PDE1C: variants seen among roughly 807,000 people sequenced by gnomAD.
PDE1C encodes phosphodiesterase 1C.
Under a neutral mutation model 93.1 loss-of-function variants are expected in PDE1C, and 62 were observed. That is an observed-to-expected ratio of 0.67 (90% CI 0.54 to 0.82). The LOEUF is 0.82. Ranked by LOEUF, PDE1C falls within the 40% of genes least tolerant of loss-of-function variation. The pLI is 0.00. For missense variants in PDE1C, 742 were observed against 884.6 expected (o/e 0.84, Z 2.04); for synonymous variants, 325 against 310.1 (o/e 1.05, Z -0.50).
intron 2 of PDE1C, among the ~76,000 whole-genome samples, chr7:32,199,318 C>T (rs1423031888): frequency 6.6e-6 from 1 of 152,036 alleles, no homozygotes; most frequent in East Asian, 1.9e-4. Context: ...TCTGAGGATT[C>T]ATATCACTAG....
At chr7:32,286,856 G>A (rs768414158) in intron 1 of PDE1C, among the ~76,000 whole-genome samples, 19 of 152,118 alleles carry the variant, frequency 1.2e-4, no homozygotes, top group Non-Finnish European at 2.2e-4. Flanking sequence ...AATATGGATC[G>A]TTTTTATAGG....
At chr7:31,964,391 C>A (rs1392015631) in intron 2 of PDE1C, among the ~76,000 whole-genome samples, 1 of 152,228 alleles carries the variant, frequency 6.6e-6, no homozygotes, top group Non-Finnish European at 1.5e-5. Context: ...AACTGCAAGG[C>A]AGCAGTGAGG....
intron 9 of PDE1C, among the ~76,000 whole-genome samples, chr7:31,846,369 A>G (rs191595508): frequency 7.6e-4 from 115 of 152,086 alleles, no homozygotes; most frequent in African/African-American, 2.6e-3. Flanking sequence ...GACAAAAACA[A>G]GCTATGGGGA....
chr7:31,730,417 G>A, the PDE1C span, among the ~76,000 whole-genome samples: 1 of 152,124 alleles, frequency 6.6e-6, no homozygotes, highest in Non-Finnish European at 1.5e-5. Context: ...GCTCTGCAGT[G>A]TCATCCCAGC....
chr7:32,345,055 C>G (rs936262245), intron 1 of PDE1C, among the ~76,000 whole-genome samples: 1 of 152,146 alleles, frequency 6.6e-6, no homozygotes, highest in Non-Finnish European at 1.5e-5. Context: ...AAGGCCCTAG[C>G]ACTTCATCCT....
At chr7:31,778,331 G>A (rs1293991374) in intron 16 of PDE1C, among the ~76,000 whole-genome samples, 4 of 152,154 alleles carry the variant, frequency 2.6e-5, no homozygotes, top group Admixed American at 2.6e-4. Flanking sequence ...ATCCAGAGCC[G>A]TTCCTTCTCT....
At chr7:32,040,543 A>T (rs1341497523) in intron 2 of PDE1C, among the ~76,000 whole-genome samples, 1 of 152,210 alleles carries the variant, frequency 6.6e-6, no homozygotes, top group Non-Finnish European at 1.5e-5. Flanking sequence ...GCTTAGAGAA[A>T]TAAAGTAACT....
At position 31,776,299 on chromosome 7, in the gene PDE1C, C is replaced by T. The variant is rs1290936297; in HGVS notation, c.1892-567G>A. The stretch of plus-strand genomic sequence containing the variant: ...ATGACGAGAATGACAACAATTGCGT[C>T]GAAGTGTTCCAGTGAGGATTAAAGG... On this transcript the variant is annotated intron_variant, in intron 16 of 17. Transcript: ENST00000396191. Among the ~76,000 whole-genome samples the T allele has an allele frequency of 2.6e-5, 4 of 152,240 alleles. No individual in the cohort carries two copies. In the South Asian group the frequency reaches 6.2e-4, roughly 24 times the overall value.
chr7:31,814,787 C>T (rs1244189011), intron 15 of PDE1C, among the ~76,000 whole-genome samples: 1 of 150,712 alleles, frequency 6.6e-6, no homozygotes, highest in Non-Finnish European at 1.5e-5. Flanking sequence ...TTCCATGAGG[C>T]CTGTGCTGTG....
chr7:32,309,548 C>G (rs548241616), intron 1 of PDE1C, among the ~76,000 whole-genome samples: 4 of 152,234 alleles, frequency 2.6e-5, no homozygotes, highest in Admixed American at 6.5e-5. Flanking sequence ...AACAGTGGAT[C>G]TCTCAGCAGA....
chr7:32,169,354 G>A (rs926576648), intron 3 of PDE1C, among the ~76,000 whole-genome samples: 1 of 152,156 alleles, frequency 6.6e-6, no homozygotes, highest in Non-Finnish European at 1.5e-5. Context: ...TCCGTCAGCA[G>A]CAGCTCTTAC....
chr7:32,082,932 A>G (rs986238209), intron 3 of PDE1C, among the ~76,000 whole-genome samples: 7 of 150,924 alleles, frequency 4.6e-5, no homozygotes, highest in African/African-American at 1.5e-4. Flanking sequence ...TGGAAACTCT[A>G]AAAAGCAGAG....
the PDE1C span, among the ~76,000 whole-genome samples, chr7:31,733,998 T>C: frequency 3.0e-5 from 3 of 101,486 alleles, no homozygotes; most frequent in Non-Finnish European, 7.1e-5. Context: ...AGTGAGACTC[T>C]GTTTCAAAGA....
chr7:31,685,530 C>T, the PDE1C span, among the ~76,000 whole-genome samples: 2 of 152,116 alleles, frequency 1.3e-5, no homozygotes, highest in Non-Finnish European at 2.9e-5. Flanking sequence ...TATATCTTTT[C>T]CACTCAAGTG....
At chr7:31,794,796 C>T (rs1295013368) in intron 16 of PDE1C, among the ~76,000 whole-genome samples, 1 of 151,938 alleles carries the variant, frequency 6.6e-6, no homozygotes, top group Admixed American at 6.6e-5. Flanking sequence ...GTCTTTGAAT[C>T]TGTGAAGTCA....
the PDE1C span, among the ~76,000 whole-genome samples, chr7:31,640,507 G>A: frequency 3.3e-5 from 5 of 152,208 alleles, no homozygotes; most frequent in East Asian, 9.6e-4. Flanking sequence ...GCTCAGCCTG[G>A]GTTCCCCCTT....
intron 1 of PDE1C, among the ~76,000 whole-genome samples, chr7:32,377,970 C>T (rs1443357174): frequency 2.0e-5 from 3 of 152,126 alleles, no homozygotes; most frequent in South Asian, 4.1e-4. Flanking sequence ...AAATCCCTTC[C>T]GTTAATCCCT....
At chr7:32,244,515 T>G (rs1222347310) in intron 1 of PDE1C, among the ~76,000 whole-genome samples, 1 of 152,146 alleles carries the variant, frequency 6.6e-6, no homozygotes, top group Non-Finnish European at 1.5e-5. Flanking sequence ...CTTTGGATCT[T>G]TTTCCTTTGT....
At chr7:31,778,093 T>C (rs149578861) in intron 16 of PDE1C, among the ~76,000 whole-genome samples, 242 of 152,342 alleles carry the variant, frequency 1.6e-3, no homozygotes, top group African/African-American at 5.6e-3. Flanking sequence ...AACGATGATC[T>C]TGTAATCTGG....
Sources: allele counts gnomAD v4.1 joint callset (sites outside exome capture counted in the v4.1 genomes callset), GRCh38; gene constraint gnomAD v4.1.1; transcripts MANE v1.5; gene names NCBI Gene and HGNC (gene_info 2026-07-23, HGNC 2026-07-21).